Variants in RBFOX1 observed in about 807,000 individuals in gnomAD.
The protein encoded by RBFOX1 is RNA binding protein fox-1 homolog 1.
A neutral mutation model predicts 57.7 loss-of-function variants in RBFOX1; 8 were observed. The ratio of observed to expected loss-of-function variants is 0.14; its 90% confidence interval spans 0.08 to 0.25. The LOEUF is 0.25. Ranked by LOEUF, RBFOX1 falls within the 10% of genes least tolerant of loss-of-function variation. The pLI is 1.00. For synonymous variants in RBFOX1, 326 were observed against 222.4 expected (o/e 1.47, Z -4.15); for missense variants, 611 against 548.5 (o/e 1.11, Z -1.14).
intron 3 of RBFOX1, among the ~76,000 whole-genome samples, chr16:6,829,594 T>C (rs947052435): frequency 2.6e-5 from 4 of 151,944 alleles, no homozygotes; most frequent in Non-Finnish European, 4.4e-5. Flanking sequence ...AATATGAATG[T>C]ATTTTCTTTT....
chr16:6,337,793 A>G (rs954459674), intron 2 of RBFOX1, among the ~76,000 whole-genome samples: 5 of 152,232 alleles, frequency 3.3e-5, no homozygotes, highest in Admixed American at 3.3e-4. Context: ...AAATTTTTCC[A>G]CGTTGAGACG....
chr16:7,331,869 T>C (rs527278946), intron 4 of RBFOX1, among the ~76,000 whole-genome samples: 2 of 152,294 alleles, frequency 1.3e-5, no homozygotes, highest in South Asian at 4.1e-4. Context: ...TCTGCTCCTA[T>C]GTAACATATC....
chr16:7,362,265 T>A (rs998502424), intron 4 of RBFOX1, among the ~76,000 whole-genome samples: 1 of 150,948 alleles, frequency 6.6e-6, no homozygotes, highest in Admixed American at 6.7e-5. Context: ...TTAGTATGTG[T>A]GTTTTGTGTG....
intron 2 of RBFOX1, among the ~76,000 whole-genome samples, chr16:5,575,663 T>C (rs1020122288): frequency 2.0e-5 from 3 of 152,180 alleles, no homozygotes; most frequent in Admixed American, 6.5e-5. Flanking sequence ...AAGTGCTACA[T>C]TGTGTGGAGT....
intron 4 of RBFOX1, among the ~76,000 whole-genome samples, chr16:7,465,539 C>T (rs1455145090): frequency 6.6e-6 from 1 of 152,176 alleles, no homozygotes; most frequent in Non-Finnish European, 1.5e-5. Flanking sequence ...GCACTGCCTG[C>T]CAGGCTATTT....
intron 4 of RBFOX1, among the ~76,000 whole-genome samples, chr16:5,883,212 G>C (rs1174473653): frequency 6.6e-6 from 1 of 152,074 alleles, no homozygotes; most frequent in Non-Finnish European, 1.5e-5. Flanking sequence ...AGGAGAGGAT[G>C]TGGAACAAAA....
chr16:7,638,116 C>G (rs907230773), intron 11 of RBFOX1, among the ~76,000 whole-genome samples: 2 of 152,128 alleles, frequency 1.3e-5, no homozygotes, highest in African/African-American at 2.4e-5. Flanking sequence ...TTCCACCCCC[C>G]ACTTAAGTTC....
chr16:6,926,434 C>G (rs749778952), intron 3 of RBFOX1, among the ~76,000 whole-genome samples: 2 of 152,198 alleles, frequency 1.3e-5, no homozygotes, highest in Admixed American at 6.5e-5. Flanking sequence ...AGAATTTCCC[C>G]TGCCTCCTGA....
intron 4 of RBFOX1, among the ~76,000 whole-genome samples, chr16:7,078,392 G>A (rs999746298): frequency 7.2e-5 from 11 of 152,172 alleles, no homozygotes; most frequent in Non-Finnish European, 1.3e-4. Flanking sequence ...CTATCATCCA[G>A]TCTGGAGTGC....
intron 4 of RBFOX1, among the ~76,000 whole-genome samples, chr16:5,956,909 T>C (rs1235726215): frequency 6.6e-6 from 1 of 151,194 alleles, no homozygotes; most frequent in Non-Finnish European, 1.5e-5. Flanking sequence ...TCTCCAGCAA[T>C]CCATCTGCCT....
At chr16:5,693,975 C>T (rs1301361421) in intron 3 of RBFOX1, among the ~76,000 whole-genome samples, 1 of 152,210 alleles carries the variant, frequency 6.6e-6, no homozygotes, top group African/African-American at 2.4e-5. Context: ...GAGTAGACAT[C>T]TTGTCTATCT....
intron 4 of RBFOX1, among the ~76,000 whole-genome samples, chr16:7,115,090 A>G (rs2065597227): frequency 6.6e-6 from 1 of 152,226 alleles, no homozygotes; most frequent in African/African-American, 2.4e-5. Flanking sequence ...CCTTTGCTTA[A>G]AAATAATGTA....
intron 2 of RBFOX1, among the ~76,000 whole-genome samples, chr16:6,412,201 G>A (rs1023305079): frequency 7.2e-5 from 11 of 151,856 alleles, no homozygotes; most frequent in African/African-American, 2.2e-4. Flanking sequence ...CAAATACTGG[G>A]TAATTTCCAT....
At chr16:7,133,913 A>T (rs1461889441) in intron 4 of RBFOX1, among the ~76,000 whole-genome samples, 1 of 152,194 alleles carries the variant, frequency 6.6e-6, no homozygotes, top group African/African-American at 2.4e-5. Flanking sequence ...ATCAGTTCCA[A>T]ATATGAATAC....
intron 4 of RBFOX1, among the ~76,000 whole-genome samples, chr16:5,944,026 C>T (rs1002448045): frequency 6.6e-6 from 1 of 150,994 alleles, no homozygotes; most frequent in Non-Finnish European, 1.5e-5. Flanking sequence ...CATCCACCAT[C>T]CATTCATCCA....
chr16:7,509,646 A>T (rs1456249617), intron 4 of RBFOX1, among the ~76,000 whole-genome samples: 1 of 152,148 alleles, frequency 6.6e-6, no homozygotes, highest in Admixed American at 6.5e-5. Flanking sequence ...TATTTTTAAG[A>T]TCGATTTGCA....
intron 1 of RBFOX1, among the ~76,000 whole-genome samples, chr16:5,456,923 C>T (rs1274997485): frequency 6.6e-6 from 1 of 152,320 alleles, no homozygotes; most frequent in East Asian, 1.9e-4. Context: ...CATTCCACCT[C>T]TAGGCCTTTA....
chr16:6,921,320 G>A (rs1473899562), intron 3 of RBFOX1, among the ~76,000 whole-genome samples: 1 of 152,280 alleles, frequency 6.6e-6, no homozygotes, highest in South Asian at 2.1e-4. Flanking sequence ...GCTCTCACAT[G>A]ACTCCAGTGA....
intron 2 of RBFOX1, among the ~76,000 whole-genome samples, chr16:5,555,110 C>T (rs977817463): frequency 1.3e-5 from 2 of 152,128 alleles, no homozygotes; most frequent in Non-Finnish European, 2.9e-5. Flanking sequence ...CTCTCTAAAG[C>T]CCGGGGTACA....
Sources: gnomAD v4.1 joint callset for allele counts (sites outside exome capture counted in the v4.1 genomes callset) on GRCh38, gnomAD v4.1.1 for gene constraint, MANE v1.5 for transcripts, NCBI Gene and HGNC (gene_info 2026-07-23, HGNC 2026-07-21) for gene names.